The following NME7 variants were observed in gnomAD, a reference collection of about 807,000 sequenced individuals.
NME7 encodes the protein nucleoside diphosphate kinase 7.
A neutral mutation model predicts 49.1 loss-of-function variants in NME7; 41 were observed. The ratio of observed to expected loss-of-function variants is 0.83; its 90% CI spans 0.65 to 1.08. The LOEUF (loss-of-function observed/expected upper bound fraction) is 1.08. NME7 is among the 50% of genes least tolerant of loss of function. NME7 has a pLI of 0.00. For missense variants in NME7, 423 were observed against 463.4 expected (o/e 0.91, Z 0.80); for synonymous variants, 139 against 150.6 (o/e 0.92, Z 0.56).
chr1:169,363,424 A>G (rs1163467865), intron 1 of NME7, among the ~76,000 whole-genome samples: 2 of 152,140 alleles, frequency 1.3e-5, no homozygotes, highest in Non-Finnish European at 2.9e-5. Context: ...TACCCTTACA[A>G]CATGTAGTGA....
intron 10 of NME7, among the ~76,000 whole-genome samples, chr1:169,204,199 A>G (rs1660619418): frequency 6.6e-6 from 1 of 151,544 alleles, no homozygotes; most frequent in Non-Finnish European, 1.5e-5. Context: ...CCCTTGTCCA[A>G]GTGAGGGATC....
chr1:169,201,742 T>C (rs987043599), intron 10 of NME7, among the ~76,000 whole-genome samples: 1 of 152,126 alleles, frequency 6.6e-6, no homozygotes, highest in Non-Finnish European at 1.5e-5. Context: ...GCCTGTAGGA[T>C]TGTTCTTGTA....
intron 1 of NME7, 46 bp downstream of exon 1, chr1:169,367,662 T>C: frequency 6.2e-7 from 1 of 1,613,398 alleles, no homozygotes; most frequent in Non-Finnish European, 8.5e-7. Flanking sequence ...GAAAGCTAAG[T>C]AAGTAGGACC....
intron 6 of NME7, among the ~76,000 whole-genome samples, chr1:169,295,658 C>T (rs1396729586): frequency 7.9e-5 from 12 of 152,148 alleles, no homozygotes; most frequent in Admixed American, 7.2e-4. Flanking sequence ...AGCTCTCCAC[C>T]TACTCCTTAC....
chr1:169,363,738 C>A (rs1653746696), intron 1 of NME7, among the ~76,000 whole-genome samples: 1 of 152,184 alleles, frequency 6.6e-6, no homozygotes. Context: ...GTGGCCTGGA[C>A]TCCTCCAGAT....
Position 169,164,984 on chromosome 1 carries a change from C to T in NME7, c.1098+4463G>A, listed in dbSNP as rs1334290704. On this transcript the variant is annotated intron_variant, in intron 11 of 11. Coordinates refer to ENST00000367811, the MANE Select transcript of NME7 (RefSeq NM_013330.5). The stretch of plus-strand genomic sequence containing the variant: ...AGAAAACTAGTATTTGATTACTCAG[C>T]TGAACATTTTACCATCAATGCTATC... Among the ~76,000 whole-genome samples the T allele has an allele frequency of 3.9e-5, 6 of 152,182 alleles. No individual in the cohort carries two copies. The East Asian group carries it at 1.2e-3, about 29-fold the overall frequency.
intron 11 of NME7, among the ~76,000 whole-genome samples, chr1:169,164,502 T>C (rs182344581): frequency 6.6e-6 from 1 of 152,258 alleles, no homozygotes; most frequent in Non-Finnish European, 1.5e-5. Context: ...GTTATCTTCG[T>C]TTTACAGAGT....
intron 3 of NME7, among the ~76,000 whole-genome samples, chr1:169,313,842 A>G (rs1651506237): frequency 6.6e-6 from 1 of 152,192 alleles, no homozygotes; most frequent in African/African-American, 2.4e-5. Flanking sequence ...ACAAAACATT[A>G]TCAGGTAATA....
chr1:169,322,932 G>C (rs187775852), intron 3 of NME7, among the ~76,000 whole-genome samples, 185 bp downstream of exon 3: 1 of 152,038 alleles, frequency 6.6e-6, no homozygotes, highest in Admixed American at 6.6e-5. Context: ...AATTAAGTCA[G>C]ATGAGACATG....
chr1:169,279,032 T>A (rs555928687), intron 7 of NME7, among the ~76,000 whole-genome samples: 1 of 152,184 alleles, frequency 6.6e-6, no homozygotes. Context: ...GCTGACTGAT[T>A]GTTCCTCTTG....
chr1:169,329,402 A>C (rs1261456224), intron 1 of NME7, among the ~76,000 whole-genome samples: 1 of 151,440 alleles, frequency 6.6e-6, no homozygotes, highest in Non-Finnish European at 1.5e-5. Context: ...TCCTGAAAAA[A>C]AAAAAAAAAA....
In NME7 at chr1:169,257,339, C is replaced by T. The variant is rs751463347; in HGVS notation, c.755-19652G>A. On this transcript the variant is annotated intron_variant, in intron 7 of 11. Transcript: ENST00000367811. ...GTGACCCGATTTTCCAGGTGCTGTC[C>T]GGCATCCCTTTCTTTGACTCAGAAA... Among the ~76,000 whole-genome samples the T allele has an allele frequency of 1.0e-4, 14 of 134,344 alleles. 3 individuals carry two copies. Among genetic ancestry groups the T allele is most frequent in the Non-Finnish European group, 2.1e-4 (12 of 57,036 alleles). 88.1% of individuals were successfully genotyped at this position (134,344 alleles called of 152,430 possible).
At chr1:169,335,657 G>A (rs1652431137) in intron 1 of NME7, among the ~76,000 whole-genome samples, 1 of 149,058 alleles carries the variant, frequency 6.7e-6, no homozygotes, top group African/African-American at 2.5e-5. Context: ...TTCTGCACAT[G>A]TATCCTGATT....
chr1:169,224,798 T>C (rs1055792546), intron 10 of NME7, among the ~76,000 whole-genome samples: 2 of 152,202 alleles, frequency 1.3e-5, no homozygotes, highest in African/African-American at 4.8e-5. Flanking sequence ...CTAGAAATAC[T>C]AAGATGAATA....
chr1:169,351,592 A>G (rs2101976150), intron 1 of NME7, among the ~76,000 whole-genome samples: 1 of 152,116 alleles, frequency 6.6e-6, no homozygotes, highest in Non-Finnish European at 1.5e-5. Flanking sequence ...GCAGAAATAA[A>G]TGAATTTGAA....
chr1:169,358,704 C>T (rs1163534218), intron 1 of NME7, among the ~76,000 whole-genome samples: 1 of 152,006 alleles, frequency 6.6e-6, no homozygotes, highest in Non-Finnish European at 1.5e-5. Context: ...CTGAGCAAAG[C>T]AGGTGACAGT....
chr1:169,180,527 G>A lies in NME7; in HGVS notation c.991-10973C>T, dbSNP rs558127994. 8.5e-5 allele frequency among the ~76,000 whole-genome samples: 13 copies of A among 152,260 alleles called. No homozygotes were observed. The South Asian group carries it at 1.9e-3, about 22-fold the overall frequency. On this transcript the variant is annotated intron_variant, in intron 10 of 11. Coordinates refer to ENST00000367811, the MANE Select transcript of NME7 (RefSeq NM_013330.5). ...TTAAAGGTTAATTTCCTAAACTGCC[G>A]CATGTCTTCTATGATTCCCTTTAAA...
In NME7 at chr1:169,182,989, G is replaced by A. The variant is rs1464655565; in HGVS notation, c.991-13435C>T. 2.0e-5 allele frequency among the ~76,000 whole-genome samples: 3 copies of A among 152,150 alleles called. No individual in the cohort carries two copies. The East Asian group carries it at 5.8e-4, about 29-fold the overall frequency. Reference sequence around the variant, plus strand: ...ATCTATTTTGTGAGGTGGTGGTTTTGTGTATCACATTTTCTCAAACTAGGA... The same window carrying A: ...ATCTATTTTGTGAGGTGGTGGTTTTATGTATCACATTTTCTCAAACTAGGA... On this transcript the variant is annotated intron_variant, in intron 10 of 11. Coordinates refer to ENST00000367811, the MANE Select transcript of NME7 (RefSeq NM_013330.5).
intron 10 of NME7, among the ~76,000 whole-genome samples, chr1:169,222,522 T>C (rs922063736): frequency 4.6e-5 from 7 of 152,178 alleles, no homozygotes; most frequent in African/African-American, 1.4e-4. Context: ...CCCAAGGAAA[T>C]GGTAATATAT....
Sources: allele counts gnomAD v4.1 joint callset (sites outside exome capture counted in the v4.1 genomes callset), GRCh38; gene constraint gnomAD v4.1.1; transcripts MANE v1.5; gene names NCBI Gene and HGNC (gene_info 2026-07-23, HGNC 2026-07-21).